COQ6: variants seen among roughly 807,000 people sequenced by gnomAD.
The protein encoded by COQ6 is coenzyme Q6, monooxygenase, also known as ubiquinone biosynthesis monooxygenase COQ6, mitochondrial.
In COQ6, 45 loss-of-function variants were observed where a neutral mutation model predicts 55.5. The observed-to-expected ratio is 0.81, with a 90% CI of 0.64 to 1.04. The LOEUF (loss-of-function observed/expected upper bound fraction) is 1.04. COQ6 is among the 50% of genes least tolerant of loss of function. COQ6 has a pLI of 0.00. For synonymous variants in COQ6, 206 were observed against 230.5 expected, an observed-to-expected ratio of 0.89 and a Z score of 0.96; for missense variants, 550 against 601.3, an observed-to-expected ratio of 0.91 and a Z score of 0.89.
At chr14:73,950,040 AGGCAGCAGCGACAGTGACAGCGATAGT>A (rs750994394), upstream of COQ6, 17 of 1,611,470 alleles carry the variant, frequency 1.1e-5, no homozygotes, top group Admixed American at 2.5e-4. Flanking sequence ...AGCTGGACAG[AGGCAGCAGCGACAGTGACAGCGATAGT>A]GGCAGCAGCG....
chr14:73,961,039 C>T (rs2056697983), intron 8 of COQ6, 134 bp from the exon 9 acceptor site: 4 of 1,021,412 alleles, frequency 3.9e-6, no homozygotes, highest in Admixed American at 4.0e-5. Flanking sequence ...GGGCTTATCA[C>T]TTGTCAAGAT....
chr14:73,956,141 G>C (rs572871584), intron 4 of COQ6: 6 of 502,442 alleles, frequency 1.2e-5, no homozygotes, highest in South Asian at 1.8e-5. Flanking sequence ...TGGCTAACAT[G>C]GTGAAACCCT....
rs758647874 is a variant in COQ6, at chr14:73,962,965, T to C, written c.1378-5T>C. The C allele has an allele frequency of 1.2e-6, 2 of 1,605,064 alleles. No homozygotes were observed. The highest frequency in any genetic ancestry group is 2.7e-5 in the African/African-American group (2 of 74,724). On this transcript the variant is annotated splice_polypyrimidine_tract_variant and splice_region_variant and intron_variant, in intron 11 of 11. Transcript: ENST00000334571. ...GAGTTTCATTCACTTTTATTTTTTC[T>C]CCAGGAACAGATTATGGCCTTTGCA...
chr14:73,962,920 T>C (rs1164833036), intron 11 of COQ6, 50 bp from the exon 12 acceptor site: 1 of 1,427,526 alleles, frequency 7.0e-7, no homozygotes, highest in Non-Finnish European at 9.9e-7. Flanking sequence ...ATAATTATTT[T>C]CTTCACCTTA....
upstream of COQ6, chr14:73,949,987 C>T (rs913204695): frequency 6.2e-7 from 1 of 1,613,556 alleles, no homozygotes; most frequent in African/African-American, 1.3e-5. Flanking sequence ...CGGCTCCCCT[C>T]CGCGCCTCCG....
rs1173230866 is a variant in COQ6 at position 73,950,354 on chromosome 14, C to G, written c.22C>G (p.Arg8Gly). Reference protein sequence around the residue: MAARLVSRCGAVRAAPHS... With the variant: MAARLVSGCGAVRAAPHS... ...CACCATGGCGGCCCGGCTTGTCAGC[C>G]GATGCGGGGCTGTGCGTGCAGCTCC... is the stretch of plus-strand genomic sequence containing the variant. The change falls in exon 1 of 12, where the codon CGA becomes GGA. Residue 8 changes from arginine to glycine, a missense_variant. Transcript: ENST00000334571. 5.1e-6 allele frequency: 8 copies of G among 1,555,902 alleles called. No individual in the cohort carries two copies. In the Admixed American group the frequency reaches 9.6e-5, roughly 19 times the overall value.
At position 73,952,334 on chromosome 14, in the gene COQ6, G is replaced by A. The variant is rs1047157469; in HGVS notation, c.164-1101G>A. ...GATGGGGTTTCACCATGTTGCCCAC[G>A]CTGGTCTTGAACTCCTGAGCTCAAC... On this transcript the variant is annotated intron_variant, in intron 1 of 11. Coordinates refer to ENST00000334571, the MANE Select transcript of COQ6 (RefSeq NM_182476.3). Among the ~76,000 whole-genome samples the A allele has an allele frequency of 4.0e-5, 6 of 151,888 alleles. No homozygotes were observed. The South Asian group carries it at 8.3e-4, about 21-fold the overall frequency.
At chr14:73,951,184 C>T (rs1206321708) in intron 1 of COQ6, among the ~76,000 whole-genome samples, 1 of 151,932 alleles carries the variant, frequency 6.6e-6, no homozygotes, top group Non-Finnish European at 1.5e-5. Context: ...TTTGTAGAGA[C>T]GAGGTCTCAC....
At chr14:73,951,849 A>G (rs2140360525) in intron 1 of COQ6, among the ~76,000 whole-genome samples, 1 of 151,150 alleles carries the variant, frequency 6.6e-6, no homozygotes, top group Admixed American at 6.6e-5. Context: ...CTTCTGTAAC[A>G]GGGTGGTTCT....
At chr14:73,953,021 T>C (rs2056260627) in intron 1 of COQ6, among the ~76,000 whole-genome samples, 1 of 152,342 alleles carries the variant, frequency 6.6e-6, no homozygotes, top group African/African-American at 2.4e-5. Flanking sequence ...TGAGACTGCA[T>C]TGAATTTTGC....
intron 11 of COQ6, among the ~76,000 whole-genome samples, 156 bp downstream of exon 11, chr14:73,962,059 TGCCTCA>T (rs1454497491): frequency 6.6e-6 from 1 of 152,068 alleles, no homozygotes; most frequent in African/African-American, 2.4e-5. Flanking sequence ...GTGATTATCC[TGCCTCA>T]GCCTCCCAAG....
chr14:73,961,072 A>G, intron 8 of COQ6, 101 bp from the exon 9 acceptor site: 1 of 1,381,536 alleles, frequency 7.2e-7, no homozygotes, highest in Non-Finnish European at 9.9e-7. Context: ...GTTGGGTAGC[A>G]TTAGCCTAAG....
chr14:73,960,205 T>TA (rs1432923764), intron 8 of COQ6: 1 of 988,288 alleles, frequency 1.0e-6, no homozygotes, highest in Admixed American at 5.9e-5. Context: ...GCATGGGGCT[T>TA]AAGAGTAAGC....
chr14:73,958,769 T>C lies in COQ6; in HGVS notation c.613-202T>C, dbSNP rs1441388641. 4.0e-6 allele frequency: 6 copies of C among 1,481,810 alleles called. No individual in the cohort carries two copies. In the Admixed American group the frequency reaches 8.4e-5, roughly 21 times the overall value. The allele number at this position is 1,481,810 out of a possible 1,614,324, so 91.8% of individuals were successfully genotyped here. On this transcript the variant is annotated intron_variant, in intron 5 of 11. Coordinates refer to ENST00000334571, the MANE Select transcript of COQ6 (RefSeq NM_182476.3). ...CTCATGGCTGGCACCTGTTCAGTCA[T>C]GTCCAGCTTTGGCTCTGTTGGCTGA...
Sources: gnomAD v4.1 joint callset for allele counts (sites outside exome capture counted in the v4.1 genomes callset) on GRCh38, gnomAD v4.1.1 for gene constraint, MANE v1.5 for transcripts, NCBI Gene and HGNC (gene_info 2026-07-23, HGNC 2026-07-21) for gene names.